SLC35F3: variants seen among roughly 807,000 people sequenced by gnomAD.
SLC35F3 encodes the protein solute carrier family 35 member F3.
SLC35F3 carries 25 observed loss-of-function variants against 49.9 expected under a neutral mutation model. The observed-to-expected ratio is 0.50, with a 90% CI of 0.37 to 0.70. SLC35F3 has a LOEUF of 0.70. Ranked by LOEUF, SLC35F3 falls within the 30% of genes least tolerant of loss-of-function variation. The pLI is 0.00. For synonymous variants in SLC35F3, 275 were observed against 265.4 expected, an observed-to-expected ratio of 1.04 and a Z score of -0.35; for missense variants, 525 against 639.8, an observed-to-expected ratio of 0.82 and a Z score of 1.94.
chr1:233,970,368 G>C (rs1197502366), intron 2 of SLC35F3, among the ~76,000 whole-genome samples: 1 of 152,218 alleles, frequency 6.6e-6, no homozygotes, highest in Non-Finnish European at 1.5e-5. Flanking sequence ...CAGACCTCGA[G>C]TCTCACCTGT....
chr1:234,230,886 C>T (rs1357435898), intron 2 of SLC35F3, among the ~76,000 whole-genome samples: 1 of 152,222 alleles, frequency 6.6e-6, no homozygotes, highest in Non-Finnish European at 1.5e-5. Context: ...CCAACTGTGC[C>T]TTTAAGTAAC....
At chr1:234,182,580 T>C (rs1371987193) in intron 2 of SLC35F3, among the ~76,000 whole-genome samples, 5 of 152,230 alleles carry the variant, frequency 3.3e-5, no homozygotes, top group Admixed American at 2.6e-4. Flanking sequence ...TGAGATCGAT[T>C]GCCAGAAGTA....
chr1:234,015,747 A>G (rs1170246774), intron 2 of SLC35F3, among the ~76,000 whole-genome samples: 1 of 152,228 alleles, frequency 6.6e-6, no homozygotes, highest in African/African-American at 2.4e-5. Context: ...GCTCTGGGCA[A>G]TGATGTTTTG....
intron 2 of SLC35F3, among the ~76,000 whole-genome samples, chr1:233,936,164 C>G (rs972850315): frequency 6.6e-6 from 1 of 152,140 alleles, no homozygotes; most frequent in Non-Finnish European, 1.5e-5. Flanking sequence ...ATATTATTAC[C>G]TATCTGAGAT....
chr1:234,211,157 T>C (rs1667041375), intron 2 of SLC35F3, among the ~76,000 whole-genome samples: 2 of 152,246 alleles, frequency 1.3e-5, no homozygotes, highest in South Asian at 4.1e-4. Context: ...GGATTGGGGT[T>C]TGGGAACCTT....
intron 2 of SLC35F3, among the ~76,000 whole-genome samples, chr1:233,999,936 GATTTCTTC>G (rs1663525259): frequency 6.6e-6 from 1 of 152,132 alleles, no homozygotes; most frequent in Non-Finnish European, 1.5e-5. Context: ...TTTAGGATAT[GATTTCTTC>G]TTTAAAGCAA....
intron 2 of SLC35F3, among the ~76,000 whole-genome samples, chr1:233,961,252 C>G (rs1192511962): frequency 2.6e-5 from 4 of 152,120 alleles, no homozygotes; most frequent in Non-Finnish European, 5.9e-5. Context: ...TGAAGGCACT[C>G]TCTGTGCCTT....
chr1:234,182,419 T>C (rs1032465313), intron 2 of SLC35F3, among the ~76,000 whole-genome samples: 2 of 152,236 alleles, frequency 1.3e-5, no homozygotes, highest in African/African-American at 4.8e-5. Flanking sequence ...AGAAACAGTA[T>C]TGAGAGACCC....
At chr1:234,049,745 G>A (rs893099500) in intron 2 of SLC35F3, among the ~76,000 whole-genome samples, 5 of 151,948 alleles carry the variant, frequency 3.3e-5, no homozygotes, top group East Asian at 1.9e-4. Flanking sequence ...CCATTAACTC[G>A]TCATTTACAT....
At chr1:234,247,275 G>T (rs1667647357) in intron 3 of SLC35F3, among the ~76,000 whole-genome samples, 1 of 152,266 alleles carries the variant, frequency 6.6e-6, no homozygotes. Context: ...TAGAGCAATG[G>T]TTTTAAACTT....
intron 3 of SLC35F3, among the ~76,000 whole-genome samples, chr1:234,268,413 G>T (rs1379646615): frequency 6.6e-6 from 1 of 152,126 alleles, no homozygotes; most frequent in Non-Finnish European, 1.5e-5. Flanking sequence ...GTACCGTCCA[G>T]CTTTGGCTCG....
rs16842535 is a variant in SLC35F3, at chr1:234,090,885, A to G, written c.284-140532A>G. On this transcript the variant is annotated intron_variant, in intron 2 of 7. Transcript: ENST00000366618. ...GGAGTTTTAAGACTAGAAGTAATCA[A>G]TTACAGCAAGCAAGGCAGGTGAAGT... Among the ~76,000 whole-genome samples the G allele has an allele frequency of 9.1e-3, 1,385 of 152,292 alleles. 59 individuals carry two copies. The highest frequency in any genetic ancestry group is 0.071 in the Admixed American group (1,084 of 15,292).
intron 2 of SLC35F3, among the ~76,000 whole-genome samples, chr1:234,170,047 G>A (rs920303065): frequency 2.6e-5 from 4 of 152,296 alleles, no homozygotes; most frequent in South Asian, 2.1e-4. Context: ...GATTACAGGC[G>A]TGAGCCACTG....
chr1:234,226,509 A>G (rs574741947), intron 2 of SLC35F3, among the ~76,000 whole-genome samples: 40 of 150,744 alleles, frequency 2.7e-4, no homozygotes, highest in Non-Finnish European at 5.5e-4. Context: ...ATGACTTTCC[A>G]TTCTTTCTTG....
At chr1:234,203,341 G>A (rs200559535) in intron 2 of SLC35F3, among the ~76,000 whole-genome samples, 6 of 152,254 alleles carry the variant, frequency 3.9e-5, no homozygotes, top group East Asian at 3.9e-4. Context: ...TCATGAAGAC[G>A]TTTCCCATTT....
intron 3 of SLC35F3, among the ~76,000 whole-genome samples, chr1:234,251,305 C>T (rs1033634627): frequency 1.8e-4 from 28 of 151,956 alleles, no homozygotes; most frequent in Non-Finnish European, 4.4e-5. Context: ...CCATGGCATC[C>T]TAAAGTTTAT....
At chr1:234,186,735 C>T (rs755544562) in intron 2 of SLC35F3, among the ~76,000 whole-genome samples, 4 of 152,198 alleles carry the variant, frequency 2.6e-5, no homozygotes, top group Non-Finnish European at 4.4e-5. Context: ...GTAAAGTCAA[C>T]ATGCTGGACC....
intron 2 of SLC35F3, among the ~76,000 whole-genome samples, chr1:233,982,131 G>A (rs1445543030): frequency 6.6e-6 from 1 of 152,100 alleles, no homozygotes; most frequent in South Asian, 2.1e-4. Context: ...TGCCATGTTG[G>A]CCAGGCTGGT....
At chr1:234,276,281 G>A (rs1315954236) in intron 3 of SLC35F3, among the ~76,000 whole-genome samples, 1 of 151,990 alleles carries the variant, frequency 6.6e-6, no homozygotes, top group Non-Finnish European at 1.5e-5. Context: ...AACATGATGC[G>A]GCTATGGACC....
Sources: gnomAD v4.1 joint callset for allele counts (sites outside exome capture counted in the v4.1 genomes callset) on GRCh38, gnomAD v4.1.1 for gene constraint, MANE v1.5 for transcripts, NCBI Gene and HGNC (gene_info 2026-07-23, HGNC 2026-07-21) for gene names.